The following NWD2 variants were observed in gnomAD, a reference collection of about 807,000 sequenced individuals.
The protein encoded by NWD2 is NACHT and WD repeat domain-containing protein 2.
Under a neutral mutation model 132.7 loss-of-function variants are expected in NWD2, and 37 were observed. The ratio of observed to expected loss-of-function variants is 0.28; its 90% CI spans 0.21 to 0.37. The LOEUF (loss-of-function observed/expected upper bound fraction) is 0.37, where lower values mean the gene tolerates loss of function less well. NWD2 is among the 10% of genes least tolerant of loss of function. The probability of loss-of-function intolerance (pLI) is 1.00; values close to 1 mark genes in which losing one functional copy is unlikely to be tolerated. For synonymous variants in NWD2, 705 were observed against 803.0 expected (o/e 0.88, Z 2.06); for missense variants, 1,592 against 2,122.4 (o/e 0.75, Z 4.91).
At chr4:37,310,013 G>T (rs924803596) in intron 1 of NWD2, among the ~76,000 whole-genome samples, 11 of 152,134 alleles carry the variant, frequency 7.2e-5, no homozygotes, top group African/African-American at 2.4e-4. Flanking sequence ...CCACACTGAA[G>T]ATACACCTCT....
chr4:37,348,966 A>C (rs1719706066), intron 2 of NWD2, among the ~76,000 whole-genome samples: 1 of 151,558 alleles, frequency 6.6e-6, no homozygotes, highest in Non-Finnish European at 1.5e-5. Context: ...GTTTGCTGAG[A>C]ATGATGGTTT....
intron 2 of NWD2, among the ~76,000 whole-genome samples, chr4:37,343,532 T>C (rs1282952831): frequency 1.3e-5 from 2 of 152,248 alleles, no homozygotes; most frequent in East Asian, 3.8e-4. Flanking sequence ...TTATTTTGTG[T>C]ACAATAATTG....
At chr4:37,363,200 G>A (rs746315514) in intron 3 of NWD2, among the ~76,000 whole-genome samples, 22 of 152,142 alleles carry the variant, frequency 1.4e-4, no homozygotes, top group Non-Finnish European at 2.4e-4. Flanking sequence ...ATTATACATT[G>A]TCGGTGGAAA....
intron 4 of NWD2, among the ~76,000 whole-genome samples, chr4:37,432,079 A>G (rs1275078679): frequency 6.6e-6 from 1 of 152,088 alleles, no homozygotes. Flanking sequence ...TGTCATGCTT[A>G]CTGTATCTGT....
intron 2 of NWD2, among the ~76,000 whole-genome samples, chr4:37,350,927 A>C (rs1358114828): frequency 1.3e-5 from 2 of 152,266 alleles, no homozygotes; most frequent in Middle Eastern, 3.4e-3. Flanking sequence ...CCTTTTCTGC[A>C]TGTATTGAGA....
intron 1 of NWD2, among the ~76,000 whole-genome samples, chr4:37,259,757 C>G (rs1717591350): frequency 6.6e-6 from 1 of 152,144 alleles, no homozygotes; most frequent in South Asian, 2.1e-4. Flanking sequence ...AGCTCCCAAC[C>G]AGCCGCAATC....
At chr4:37,404,094 C>T (rs530421049) in intron 3 of NWD2, among the ~76,000 whole-genome samples, 4 of 152,246 alleles carry the variant, frequency 2.6e-5, no homozygotes, top group African/African-American at 9.6e-5. Flanking sequence ...TGAGCTTCAT[C>T]CCAGTCATGC....
intron 1 of NWD2, among the ~76,000 whole-genome samples, chr4:37,289,897 C>T (rs202111736): frequency 7.6e-6 from 1 of 132,310 alleles, no homozygotes; most frequent in Non-Finnish European, 1.7e-5. Context: ...CTTTTTTTTT[C>T]CGGAGTTGTT....
At chr4:37,398,612 G>A (rs1286864210) in intron 3 of NWD2, among the ~76,000 whole-genome samples, 2 of 152,152 alleles carry the variant, frequency 1.3e-5, no homozygotes, top group African/African-American at 4.8e-5. Flanking sequence ...AAAGCCTATG[G>A]TCTTTGCCAC....
chr4:37,375,693 C>T (rs1363139925), intron 3 of NWD2, among the ~76,000 whole-genome samples: 1 of 151,978 alleles, frequency 6.6e-6, no homozygotes, highest in South Asian at 2.1e-4. Flanking sequence ...CTCAGCCTCC[C>T]GAGTAGTTAG....
At chr4:37,384,331 G>A (rs1005820003) in intron 3 of NWD2, among the ~76,000 whole-genome samples, 3 of 152,104 alleles carry the variant, frequency 2.0e-5, no homozygotes, top group African/African-American at 4.8e-5. Context: ...TCTTCAAAGC[G>A]TTTGCGTTCT....
chr4:37,395,362 G>A (rs942383599), intron 3 of NWD2, among the ~76,000 whole-genome samples: 4 of 151,444 alleles, frequency 2.6e-5, no homozygotes, highest in Non-Finnish European at 5.9e-5. Flanking sequence ...TTTTTGCATC[G>A]CTGCCTATAA....
At chr4:37,354,448 C>T (rs963057377) in intron 2 of NWD2, among the ~76,000 whole-genome samples, 17 of 152,184 alleles carry the variant, frequency 1.1e-4, no homozygotes, top group African/African-American at 2.7e-4. Context: ...TGCCCACTGC[C>T]GCCCCTTCCC....
chr4:37,285,712 G>T (rs973115788), intron 1 of NWD2, among the ~76,000 whole-genome samples: 6 of 151,450 alleles, frequency 4.0e-5, no homozygotes, highest in African/African-American at 1.5e-4. Context: ...TTTATTTAGG[G>T]TTCTAATACA....
intron 1 of NWD2, among the ~76,000 whole-genome samples, chr4:37,250,807 G>A (rs909196299): frequency 3.3e-5 from 5 of 152,104 alleles, no homozygotes; most frequent in Non-Finnish European, 5.9e-5. Flanking sequence ...TATGAACATC[G>A]TAGTGTACTC....
chr4:37,302,980 T>A (rs1718637468), intron 1 of NWD2, among the ~76,000 whole-genome samples: 1 of 152,254 alleles, frequency 6.6e-6, no homozygotes, highest in Admixed American at 6.5e-5. Flanking sequence ...TTTGTCATTT[T>A]TGCTTTGTTA....
chr4:37,363,153 C>T (rs2109302968), intron 3 of NWD2, among the ~76,000 whole-genome samples: 1 of 152,142 alleles, frequency 6.6e-6, no homozygotes, highest in South Asian at 2.1e-4. Flanking sequence ...ACTCAAAAAA[C>T]AACAGATGCT....
At chr4:37,396,573 G>T (rs771777574) in intron 3 of NWD2, among the ~76,000 whole-genome samples, 14 of 152,160 alleles carry the variant, frequency 9.2e-5, no homozygotes, top group Non-Finnish European at 1.9e-4. Context: ...GTTCTCTCAA[G>T]AAATCTCTAA....
Position 37,447,091 on chromosome 4 carries a change from C to T in NWD2, c.5103C>T (p.Ser1701=), listed in dbSNP as rs1252409524. 1.3e-6 allele frequency: 2 copies of T among 1,551,436 alleles called. No individual in the cohort carries two copies. Among genetic ancestry groups the T allele is most frequent in the Non-Finnish European group, 1.7e-6 (2 of 1,146,974 alleles). ...CCACTGAGGTCTTTGCAAGAGACAG[C>T]CCCATCACAGTTAGTGACTCTACTG... ...RESTEVFARD[S]PITVSDSTES... Residue 1701 remains serine, a synonymous_variant, in exon 7 of 7, where the codon AGC becomes AGT. Transcript: ENST00000309447.
Sources: allele counts gnomAD v4.1 joint callset (sites outside exome capture counted in the v4.1 genomes callset), GRCh38; gene constraint gnomAD v4.1.1; transcripts MANE v1.5; gene names NCBI Gene and HGNC (gene_info 2026-07-23, HGNC 2026-07-21).